The following BMPR1B variants were observed in gnomAD, a reference collection of about 807,000 sequenced individuals.
BMPR1B encodes bone morphogenetic protein receptor type 1B, also known as bone morphogenetic protein receptor type-1B.
In BMPR1B, 12 loss-of-function variants were observed where a neutral mutation model predicts 59.1. That is an observed-to-expected ratio of 0.20 (90% confidence interval 0.13 to 0.33). BMPR1B has a LOEUF of 0.33. Ranked by LOEUF, BMPR1B falls within the 10% of genes least tolerant of loss-of-function variation. The probability of loss-of-function intolerance (pLI) is 1.00; values close to 1 mark genes in which losing one functional copy is unlikely to be tolerated. For synonymous variants in BMPR1B, 237 were observed against 207.3 expected, an observed-to-expected ratio of 1.14 and a Z score of -1.23; for missense variants, 550 against 610.9, an observed-to-expected ratio of 0.90 and a Z score of 1.05.
At chr4:95,142,815 T>TC (rs1228900534) in intron 10 of BMPR1B, among the ~76,000 whole-genome samples, 1 of 146,202 alleles carries the variant, frequency 6.8e-6, no homozygotes, top group African/African-American at 2.5e-5. Flanking sequence ...TTGGGGCTCT[T>TC]TTTTTTTTTT....
chr4:94,819,328 T>TC (rs927985295), intron 1 of BMPR1B, among the ~76,000 whole-genome samples: 11 of 152,208 alleles, frequency 7.2e-5, no homozygotes, highest in Admixed American at 2.0e-4. Flanking sequence ...CTTTGTGGCA[T>TC]CCGATTCTCT....
chr4:94,783,113 C>G (rs1302290026), intron 1 of BMPR1B, among the ~76,000 whole-genome samples: 1 of 152,138 alleles, frequency 6.6e-6, no homozygotes, highest in Non-Finnish European at 1.5e-5. Flanking sequence ...TCCCTTATAT[C>G]TTTGTCAAGC....
intron 3 of BMPR1B, among the ~76,000 whole-genome samples, chr4:95,098,124 A>G (rs1304114295): frequency 3.9e-5 from 6 of 152,128 alleles, no homozygotes; most frequent in Admixed American, 2.6e-4. Flanking sequence ...TGTTATTTTA[A>G]TCAGATATCT....
chr4:94,899,842 C>T (rs375020528), intron 2 of BMPR1B, among the ~76,000 whole-genome samples: 1 of 151,968 alleles, frequency 6.6e-6, no homozygotes, highest in Non-Finnish European at 1.5e-5. Flanking sequence ...TGTTTTCTCC[C>T]TATAAATACT....
At chr4:94,946,129 G>C (rs890916504) in intron 2 of BMPR1B, among the ~76,000 whole-genome samples, 2 of 152,034 alleles carry the variant, frequency 1.3e-5, no homozygotes, top group African/African-American at 4.8e-5. Flanking sequence ...TACTATTCTT[G>C]TCAAAAGTAG....
At chr4:95,082,214 A>T (rs189950481) in intron 3 of BMPR1B, among the ~76,000 whole-genome samples, 1 of 143,072 alleles carries the variant, frequency 7.0e-6, no homozygotes, top group South Asian at 2.2e-4. Flanking sequence ...TAACTGTTCA[A>T]TTTTTTTTTA....
chr4:94,823,947 C>T (rs1314322427), intron 1 of BMPR1B, among the ~76,000 whole-genome samples: 1 of 152,030 alleles, frequency 6.6e-6, no homozygotes, highest in Non-Finnish European at 1.5e-5. Context: ...GGGGTTTCAC[C>T]GTGTTAGCCA....
intron 1 of BMPR1B, among the ~76,000 whole-genome samples, chr4:94,765,329 T>C (rs1721928293): frequency 6.6e-6 from 1 of 152,222 alleles, no homozygotes; most frequent in Admixed American, 6.5e-5. Context: ...ACTTTCGTTT[T>C]GAATTTAATC....
chr4:95,135,241 A>T (rs1218760706), intron 10 of BMPR1B, among the ~76,000 whole-genome samples: 1 of 152,172 alleles, frequency 6.6e-6, no homozygotes, highest in East Asian at 1.9e-4. Context: ...TGGTACCAGT[A>T]CCATGCTGTT....
intron 1 of BMPR1B, among the ~76,000 whole-genome samples, chr4:94,843,555 G>A (rs1323947761): frequency 6.6e-6 from 1 of 151,958 alleles, no homozygotes; most frequent in Non-Finnish European, 1.5e-5. Context: ...TTGTTGTATT[G>A]GTCATAATAT....
intron 8 of BMPR1B, 62 bp downstream of exon 8, chr4:95,125,183 A>G (rs1010225874): frequency 3.8e-6 from 6 of 1,596,076 alleles, no homozygotes; most frequent in Non-Finnish European, 4.3e-6. Context: ...GTCAATGAAT[A>G]TGGGGTTTCA....
chr4:95,033,831 G>A (rs994043417), intron 3 of BMPR1B, among the ~76,000 whole-genome samples: 1 of 152,114 alleles, frequency 6.6e-6, no homozygotes, highest in Non-Finnish European at 1.5e-5. Context: ...CATGGACAAA[G>A]ATGAAAGACA....
chr4:94,945,346 G>A (rs1474679804), intron 2 of BMPR1B, among the ~76,000 whole-genome samples: 1 of 152,120 alleles, frequency 6.6e-6, no homozygotes, highest in African/African-American at 2.4e-5. Context: ...TCTTTCCATA[G>A]AGTTAATAAT....
chr4:95,041,233 G>A (rs566686737), intron 3 of BMPR1B, among the ~76,000 whole-genome samples: 1 of 152,092 alleles, frequency 6.6e-6, no homozygotes, highest in South Asian at 2.1e-4. Context: ...GTTTTTAGTA[G>A]CGATAAGGTC....
intron 10 of BMPR1B, among the ~76,000 whole-genome samples, chr4:95,133,313 T>G (rs2149304501): frequency 6.6e-6 from 1 of 152,336 alleles, no homozygotes; most frequent in East Asian, 1.9e-4. Context: ...AATAATTTCA[T>G]AGTTTCCTGT....
chr4:95,001,508 TC>T, intron 3 of BMPR1B, among the ~76,000 whole-genome samples: 1 of 152,280 alleles, frequency 6.6e-6, no homozygotes, highest in Middle Eastern at 3.4e-3. Context: ...AAACATTCAT[TC>T]AATAGAACAT....
chr4:95,145,294 C>G (rs903187933), intron 10 of BMPR1B, among the ~76,000 whole-genome samples: 1 of 152,064 alleles, frequency 6.6e-6, no homozygotes, highest in Non-Finnish European at 1.5e-5. Flanking sequence ...AGGATTATTG[C>G]GTGGGGTTGG....
rs567984421 is a variant in BMPR1B, at chr4:94,763,595, G to A, written c.-183+5527G>A. Among the ~76,000 whole-genome samples the A allele has an allele frequency of 2.6e-5, 4 of 152,294 alleles. No individual in the cohort carries two copies. The South Asian group carries it at 8.3e-4, about 32-fold the overall frequency. On this transcript the variant is annotated intron_variant, in intron 1 of 12. Coordinates refer to ENST00000515059, the MANE Select transcript of BMPR1B (RefSeq NM_001203.3). The stretch of plus-strand genomic sequence containing the variant: ...AAAAAAGATACAATCCAGTATATCT[G>A]TTTATAACGTTTCTTGCCTGGCTGT...
intron 2 of BMPR1B, among the ~76,000 whole-genome samples, chr4:94,902,573 T>A (rs1727873568): frequency 1.3e-5 from 2 of 151,380 alleles, no homozygotes; most frequent in African/African-American, 4.9e-5. Flanking sequence ...AGCAAAATGT[T>A]AATATTTAGT....
Sources: allele counts gnomAD v4.1 joint callset (sites outside exome capture counted in the v4.1 genomes callset), GRCh38; gene constraint gnomAD v4.1.1; transcripts MANE v1.5; gene names NCBI Gene and HGNC (gene_info 2026-07-23, HGNC 2026-07-21).